ATP1B2: variants seen among roughly 807,000 people sequenced by gnomAD.
ATP1B2 encodes the protein sodium/potassium-transporting ATPase subunit beta-2.
Under a neutral mutation model 37.3 loss-of-function variants are expected in ATP1B2, and 12 were observed. That is an observed-to-expected ratio of 0.32 (90% CI 0.21 to 0.52). The LOEUF is 0.52. Among genes scored for constraint, ATP1B2 ranks in the 20% least tolerant of loss-of-function variants. The pLI, the probability that ATP1B2 is intolerant of heterozygous loss-of-function variation, is 0.96. For synonymous variants in ATP1B2, 139 were observed against 140.5 expected (o/e 0.99, Z 0.07); for missense variants, 324 against 391.6 (o/e 0.83, Z 1.46).
intron 1 of ATP1B2, among the ~76,000 whole-genome samples, chr17:7,653,025 G>A (rs1055879811): frequency 4.6e-5 from 7 of 152,192 alleles, no homozygotes; most frequent in African/African-American, 1.7e-4. Context: ...TGCTAGCACA[G>A]CTTTAAGCAT....
chr17:7,648,567 C>CAAAAAAAA (rs58333874), upstream of ATP1B2, among the ~76,000 whole-genome samples: 1 of 69,752 alleles, frequency 1.4e-5, no homozygotes, highest in Admixed American at 1.7e-4. Flanking sequence ...ACTCTGTCTC[C>CAAAAAAAA]AAAAAAAAAA....
upstream of ATP1B2, among the ~76,000 whole-genome samples, chr17:7,650,675 C>G (rs981101059): frequency 3.9e-5 from 6 of 152,130 alleles, no homozygotes; most frequent in African/African-American, 1.4e-4. Context: ...ATCTTTCCCT[C>G]TACTCCGCCC....
chr17:7,651,872 G>A (rs2072615823), intron 1 of ATP1B2, among the ~76,000 whole-genome samples: 1 of 141,350 alleles, frequency 7.1e-6, no homozygotes, highest in Non-Finnish European at 1.5e-5. Flanking sequence ...CGGGCGGGGG[G>A]TCGCCAGCTC....
Position 7,655,277 on chromosome 17 carries a change from T to G in ATP1B2, c.610-250T>G. On this transcript the variant is annotated intron_variant, in intron 5 of 6. Transcript: ENST00000250111. This position sits in a 1 kb window ranked among gnomAD's most constrained non-coding sequence, Gnocchi z 4.4. ...ATGGGGTAAGAACTTGGGGTAGGAG[T>G]GGAGTAGGAGGCTTTCGTGCCATTA... 1.8e-6 allele frequency: 1 copy of G among 552,916 alleles called. No homozygotes were observed. Among genetic ancestry groups the G allele is most frequent in the South Asian group, 2.3e-5 (1 of 44,030 alleles). 34.3% of individuals were successfully genotyped at this position (552,916 alleles called of 1,614,324 possible).
At chr17:7,650,920 G>A (rs2072606527), upstream of ATP1B2, among the ~76,000 whole-genome samples, 1 of 152,104 alleles carries the variant, frequency 6.6e-6, no homozygotes. Context: ...GGCGACCGCG[G>A]GCCTCGCACT....
intron 2 of ATP1B2, 83 bp downstream of exon 2, chr17:7,653,585 A>T: frequency 6.4e-7 from 1 of 1,555,380 alleles, no homozygotes; most frequent in Admixed American, 2.0e-5. Context: ...AGTTCCTTCC[A>T]GGAGTTTGAT....
chr17:7,650,950 G>C lies in ATP1B2; in HGVS notation c.-569G>C, dbSNP rs2072606884. On this transcript the variant is annotated 5_prime_UTR_variant, in exon 1 of 7. Transcript: ENST00000250111. The stretch of plus-strand genomic sequence containing the variant: ...CGCACTGCTGAGGAGCGGAGCCTCC[G>C]CCTGGGGGGCCCCCCATCCCTGGCT... Among the ~76,000 whole-genome samples the C allele has an allele frequency of 6.6e-6, 1 of 152,126 alleles. No individual in the cohort carries two copies. The highest frequency in any genetic ancestry group is 2.4e-5 in the African/African-American group (1 of 41,428).
rs753259698 is a variant in ATP1B2, at chr17:7,651,486, G to T, written c.-33G>T. 6.5e-7 allele frequency: 1 copy of T among 1,544,452 alleles called. No individual in the cohort carries two copies. Among genetic ancestry groups the T allele is most frequent in the Admixed American group, 1.9e-5 (1 of 51,662 alleles). ...CGCCCCCGCTTCTCCGCAACCCCCC[G>T]CCCCGCGCCCGGACTCGCCCCGCGC... On this transcript the variant is annotated 5_prime_UTR_variant, in exon 1 of 7. Transcript: ENST00000250111.
chr17:7,653,548 GC>G (rs1404438319), intron 2 of ATP1B2, 46 bp downstream of exon 2: 1 of 1,608,016 alleles, frequency 6.2e-7, no homozygotes, highest in East Asian at 2.2e-5. Flanking sequence ...CTGCTCTTGT[GC>G]CCCCAAACCT....
Position 7,655,516 on chromosome 17 carries a change from C to T in ATP1B2, c.610-11C>T, listed in dbSNP as rs142515673. 3.3e-5 allele frequency: 54 copies of T among 1,613,942 alleles called. No individual in the cohort carries two copies. Among genetic ancestry groups the T allele is most frequent in the Non-Finnish European group, 4.2e-5 (50 of 1,179,872 alleles). ...AACTGGCTCACCCCCTATCTTCCTG[C>T]ACCCCCACAGCGAGATGAAGATGCT... On this transcript the variant is annotated splice_polypyrimidine_tract_variant and intron_variant, in intron 5 of 6. Transcript: ENST00000250111. The surrounding 1 kb of genome is among the most constrained non-coding windows in gnomAD (Gnocchi z 4.4).
upstream of ATP1B2, among the ~76,000 whole-genome samples, chr17:7,646,889 G>A (rs905941425): frequency 2.6e-5 from 4 of 152,006 alleles, no homozygotes; most frequent in African/African-American, 9.7e-5. Context: ...ACAAGCCTTG[G>A]CAATATGGCG....
rs2072663613 is a variant in ATP1B2 at position 7,657,514 on chromosome 17, C to T, written c.*1619C>T. ...AACCCTTTGTCCTCCAGCATCCCTT[C>T]ACTTCCTCATCCTCTCTAACCTCCT... On this transcript the variant is annotated 3_prime_UTR_variant, in exon 7 of 7. Coordinates refer to ENST00000250111, the MANE Select transcript of ATP1B2 (RefSeq NM_001678.5). 1 of 152,306 alleles carries T rather than the reference C, an allele frequency of 6.6e-6. No homozygotes were observed. The highest frequency in any genetic ancestry group is 2.4e-5 in the African/African-American group (1 of 41,402). 9.4% of individuals were successfully genotyped at this position (152,306 alleles called of 1,614,324 possible).
Position 7,657,388 on chromosome 17 carries a change from A to C in ATP1B2, c.*1493A>C, listed in dbSNP as rs2072662324. 1 of 152,128 alleles carries C rather than the reference A, an allele frequency of 6.6e-6. No homozygotes were observed. Among genetic ancestry groups the C allele is most frequent in the Non-Finnish European group, 1.5e-5 (1 of 68,084 alleles). 9.4% of individuals were successfully genotyped at this position (152,128 alleles called of 1,614,324 possible). ...TCAGACCCCTTTGCCTTTAAAAAAAAAACAAAAACAAAAACAAAAAAACCC... is the reference window on the plus strand; with the variant it reads ...TCAGACCCCTTTGCCTTTAAAAAAACAACAAAAACAAAAACAAAAAAACCC... On this transcript the variant is annotated 3_prime_UTR_variant, in exon 7 of 7. Transcript: ENST00000250111.
chr17:7,649,467 A>G (rs2072595487), upstream of ATP1B2, among the ~76,000 whole-genome samples: 1 of 150,886 alleles, frequency 6.6e-6, no homozygotes, highest in Non-Finnish European at 1.5e-5. Flanking sequence ...AGCTCACTGC[A>G]AGCTCCGCCT....
chr17:7,651,398 T>G lies in ATP1B2; in HGVS notation c.-121T>G. ...AGCAGCTGCATATCTGAGGGGGGTCTCCTTTGCCCGCGCCGCCTTCGCTCC... is the reference window on the plus strand; with the variant it reads ...AGCAGCTGCATATCTGAGGGGGGTCGCCTTTGCCCGCGCCGCCTTCGCTCC... On this transcript the variant is annotated 5_prime_UTR_variant, in exon 1 of 7. Transcript: ENST00000250111. 1 of 841,454 alleles carries G rather than the reference T, an allele frequency of 1.2e-6. No individual in the cohort carries two copies. Among genetic ancestry groups the G allele is most frequent in the East Asian group, 2.7e-5 (1 of 37,072 alleles). 52.1% of individuals were successfully genotyped at this position (841,454 alleles called of 1,614,324 possible).
chr17:7,654,333 C>T lies in ATP1B2; in HGVS notation c.552+76C>T. The T allele has an allele frequency of 6.6e-7, 1 of 1,504,270 alleles. No homozygotes were observed. The highest frequency in any genetic ancestry group is 1.1e-5 in the South Asian group (1 of 88,156). 93.2% of individuals were successfully genotyped at this position (1,504,270 alleles called of 1,614,324 possible). On this transcript the variant is annotated intron_variant, in intron 4 of 6. Coordinates refer to ENST00000250111, the MANE Select transcript of ATP1B2 (RefSeq NM_001678.5). The surrounding 1 kb of genome is among the most constrained non-coding windows in gnomAD (Gnocchi z 4.9). ...CCACCTGCAGACAATTGCATCCTTT[C>T]ACTGGGGCTAATGGGCATGAGAAAG...
chr17:7,648,524 G>T (rs72829444), upstream of ATP1B2, among the ~76,000 whole-genome samples: 1 of 137,056 alleles, frequency 7.3e-6, no homozygotes, highest in African/African-American at 2.9e-5. Flanking sequence ...CAGATATCAT[G>T]CCACTGCACT....
At position 7,654,347 on chromosome 17, in the gene ATP1B2, G is replaced by C. The variant is rs2072635546; in HGVS notation, c.552+90G>C. 7.0e-7 allele frequency: 1 copy of C among 1,427,784 alleles called. No homozygotes were observed. Among genetic ancestry groups the C allele is most frequent in the Admixed American group, 1.7e-5 (1 of 57,976 alleles). 88.4% of individuals were successfully genotyped at this position (1,427,784 alleles called of 1,614,324 possible). On this transcript the variant is annotated intron_variant, in intron 4 of 6. Transcript: ENST00000250111. The surrounding 1 kb of genome is among the most constrained non-coding windows in gnomAD (Gnocchi z 4.9). ...TTGCATCCTTTCACTGGGGCTAATGGGCATGAGAAAGACTTGGATGTTTGT... is the reference window on the plus strand; with the variant it reads ...TTGCATCCTTTCACTGGGGCTAATGCGCATGAGAAAGACTTGGATGTTTGT...
rs369327973 is a variant in ATP1B2, at chr17:7,654,581, C to T, written c.553-47C>T. 31 of 1,602,136 alleles carry T rather than the reference C, an allele frequency of 1.9e-5. No individual in the cohort carries two copies. In the African/African-American group the frequency reaches 2.3e-4, roughly 12 times the overall value. On this transcript the variant is annotated intron_variant, in intron 4 of 6. Transcript: ENST00000250111. The surrounding 1 kb of genome is among the most constrained non-coding windows in gnomAD (Gnocchi z 4.9). ...TTAGCTTGGTCTGGATGCCCATCTT[C>T]GACAACTTCTTCCTCTGACTCTCTT...
Sources: allele counts gnomAD v4.1 joint callset (sites outside exome capture counted in the v4.1 genomes callset), GRCh38; gene constraint gnomAD v4.1.1; non-coding constraint Gnocchi (gnomAD v3.1); transcripts MANE v1.5; gene names NCBI Gene and HGNC (gene_info 2026-07-23, HGNC 2026-07-21).